Variants in PXDNL observed in about 807,000 individuals in gnomAD.
The protein encoded by PXDNL is peroxidasin like, also known as probable oxidoreductase PXDNL.
In PXDNL, 145 loss-of-function variants were observed where a neutral mutation model predicts 150.8. The ratio of observed to expected loss-of-function variants is 0.96; its 90% CI spans 0.84 to 1.10. The LOEUF is 1.10. Among genes scored for constraint, PXDNL ranks in the 50% least tolerant of loss-of-function variants. The pLI is 0.00. For synonymous variants in PXDNL, 757 were observed against 725.7 expected, an observed-to-expected ratio of 1.04 and a Z score of -0.69; for missense variants, 2,087 against 1,873.9, an observed-to-expected ratio of 1.11 and a Z score of -2.10.
At chr8:51,382,533 C>T (rs540359570) in intron 17 of PXDNL, among the ~76,000 whole-genome samples, 1 of 152,190 alleles carries the variant, frequency 6.6e-6, no homozygotes, top group South Asian at 2.1e-4. Flanking sequence ...AACCTTACAC[C>T]TGCTTATTTT....
chr8:51,617,086 G>T (rs1453923340), intron 2 of PXDNL, among the ~76,000 whole-genome samples: 1 of 152,194 alleles, frequency 6.6e-6, no homozygotes. Flanking sequence ...GAAGAATTGG[G>T]AGAATAGACC....
At position 51,499,726 on chromosome 8, in the gene PXDNL, A is replaced by C; in HGVS notation, c.425T>G (p.Phe142Cys). 2 of 1,613,586 alleles carry C rather than the reference A, an allele frequency of 1.2e-6. No homozygotes were observed. The highest frequency in any genetic ancestry group is 1.3e-5 in the African/African-American group (1 of 75,036). ...TCGCTCTAATCTCAGAAGGTCTCCA[A>C]AGGTCTCTGGCTGTAGCATTTCTAG... Reference protein sequence around the residue: ...NQLEMLQPETFGDLLRLERLF... With the variant: ...NQLEMLQPETCGDLLRLERLF... Residue 142 changes from phenylalanine (F) to cysteine (C), a missense_variant, in exon 5 of 23, where the codon TTT becomes TGT. By Grantham distance (205) the Phe-to-Cys change is radical. Coordinates refer to ENST00000356297, the MANE Select transcript of PXDNL (RefSeq NM_144651.5).
intron 2 of PXDNL, among the ~76,000 whole-genome samples, chr8:51,621,993 A>G (rs1814268275): frequency 6.6e-6 from 1 of 151,710 alleles, no homozygotes; most frequent in African/African-American, 2.4e-5. Context: ...AAGTTTACTA[A>G]TCAGTTGACT....
chr8:51,348,677 T>C (rs1050940961), intron 19 of PXDNL, among the ~76,000 whole-genome samples: 3 of 152,220 alleles, frequency 2.0e-5, no homozygotes, highest in African/African-American at 7.2e-5. Flanking sequence ...CATGTGTATA[T>C]ATACATACAT....
At chr8:51,544,177 G>T (rs745817264) in intron 4 of PXDNL, among the ~76,000 whole-genome samples, 1 of 152,150 alleles carries the variant, frequency 6.6e-6, no homozygotes. Context: ...TCTCAAGTCT[G>T]ATCATTTTAA....
intron 12 of PXDNL, among the ~76,000 whole-genome samples, chr8:51,429,796 T>A (rs769543685): frequency 2.6e-5 from 4 of 151,926 alleles, no homozygotes; most frequent in Admixed American, 6.6e-5. Flanking sequence ...TGTTTCTGTA[T>A]TTCTGAAAAA....
chr8:51,375,913 T>A (rs767956514), intron 17 of PXDNL, among the ~76,000 whole-genome samples: 13 of 152,226 alleles, frequency 8.5e-5, no homozygotes, highest in Non-Finnish European at 1.5e-4. Flanking sequence ...ACAGACATAG[T>A]TGTGTTCCAA....
chr8:51,377,998 A>AT (rs1807395279), intron 17 of PXDNL, among the ~76,000 whole-genome samples: 1 of 152,194 alleles, frequency 6.6e-6, no homozygotes, highest in East Asian at 1.9e-4. Flanking sequence ...TCTAGTGGGG[A>AT]CTTGGAGAAC....
chr8:51,394,109 A>C (rs775252458), intron 17 of PXDNL, among the ~76,000 whole-genome samples: 1 of 152,216 alleles, frequency 6.6e-6, no homozygotes, highest in Non-Finnish European at 1.5e-5. Flanking sequence ...GTTAATGAAA[A>C]GTGTGAATGT....
At position 51,453,621 on chromosome 8, in the gene PXDNL, G is replaced by A. The variant is rs1309196994; in HGVS notation, c.1147C>T (p.Leu383Phe). 1 of 1,614,014 alleles carries A rather than the reference G, an allele frequency of 6.2e-7. No individual in the cohort carries two copies. Among genetic ancestry groups the A allele is most frequent in the East Asian group, 2.2e-5 (1 of 44,880 alleles). The change falls in exon 10 of 23, where the codon CTT (leucine) becomes TTT (phenylalanine). Residue 383 changes from leucine (L) to phenylalanine (F), a missense_variant. Coordinates refer to ENST00000356297, the MANE Select transcript of PXDNL (RefSeq NM_144651.5). ...GSRHVATSSGLYLQNITQRDH... is the reference protein window; with the variant it reads ...GSRHVATSSGFYLQNITQRDH... ...CGTTGTGTGATGTTCTGTAAGTAAA[G>A]TCCACTGGACGTTGCCACGTGCCTG...
intron 19 of PXDNL, among the ~76,000 whole-genome samples, chr8:51,364,208 T>C (rs1263163565): frequency 1.3e-5 from 2 of 152,222 alleles, no homozygotes; most frequent in East Asian, 1.9e-4. Context: ...GTGATCTGAC[T>C]GAGCACAATC....
intron 14 of PXDNL, among the ~76,000 whole-genome samples, chr8:51,417,085 G>A (rs1288681627): frequency 6.6e-6 from 1 of 152,128 alleles, no homozygotes; most frequent in Non-Finnish European, 1.5e-5. Flanking sequence ...ATGTGTTGGG[G>A]ACACATTAGA....
intron 1 of PXDNL, among the ~76,000 whole-genome samples, chr8:51,781,696 A>G (rs1237687953): frequency 1.3e-5 from 2 of 152,214 alleles, no homozygotes; most frequent in Non-Finnish European, 2.9e-5. Flanking sequence ...AAAATATGTT[A>G]CCACAGGGGA....
At chr8:51,563,651 G>A (rs1242410947) in intron 3 of PXDNL, among the ~76,000 whole-genome samples, 1 of 151,914 alleles carries the variant, frequency 6.6e-6, no homozygotes, top group Admixed American at 6.6e-5. Context: ...CCATTATGTG[G>A]AATGAGGTCC....
chr8:51,776,641 C>T (rs2037356986), intron 1 of PXDNL, among the ~76,000 whole-genome samples: 2 of 152,078 alleles, frequency 1.3e-5, no homozygotes, highest in Admixed American at 1.3e-4. Context: ...GTCTGCTAGT[C>T]CAGTGGTAGC....
Position 51,615,302 on chromosome 8 carries a change from G to GT in PXDNL, c.237-22605dup, listed in dbSNP as rs199576127. ...CTCAGTCAACCTAAGAAGCTGACTT[G>GT]TTTTTTTTTTCATCAGTTTCTCTAT... On this transcript the variant is annotated intron_variant, in intron 2 of 22. Transcript: ENST00000356297. 6.6e-4 allele frequency among the ~76,000 whole-genome samples: 95 copies of GT among 144,280 alleles called. 1 individual carries two copies. Among genetic ancestry groups the GT allele is most frequent in the South Asian group, 5.1e-3 (23 of 4,484 alleles). The allele number at this position is 144,280 out of a possible 152,430, so 94.7% of individuals were successfully genotyped here.
chr8:51,476,467 G>T (rs542689777), intron 6 of PXDNL, among the ~76,000 whole-genome samples: 1 of 152,260 alleles, frequency 6.6e-6, no homozygotes, highest in Non-Finnish European at 1.5e-5. Context: ...GTAACAGGAA[G>T]GCGATGGCTC....
intron 17 of PXDNL, among the ~76,000 whole-genome samples, chr8:51,399,623 T>C (rs1270957655): frequency 6.6e-6 from 1 of 152,236 alleles, no homozygotes; most frequent in Non-Finnish European, 1.5e-5. Context: ...TCTGGAATGA[T>C]GACAATGCTC....
At chr8:51,619,782 G>C (rs576209040) in intron 2 of PXDNL, among the ~76,000 whole-genome samples, 1 of 151,890 alleles carries the variant, frequency 6.6e-6, no homozygotes, top group South Asian at 2.1e-4. Context: ...CCAGTCTCAG[G>C]TATTTCTTTA....
Sources: gnomAD v4.1 joint callset for allele counts (sites outside exome capture counted in the v4.1 genomes callset) on GRCh38, gnomAD v4.1.1 for gene constraint, MANE v1.5 for transcripts, NCBI Gene and HGNC (gene_info 2026-07-23, HGNC 2026-07-21) for gene names.